MTUS2: variants seen among roughly 807,000 people sequenced by gnomAD.
MTUS2 encodes the protein microtubule associated scaffold protein 2, also known as microtubule-associated tumor suppressor candidate 2.
A neutral mutation model predicts 114.1 loss-of-function variants in MTUS2; 40 were observed. That is an observed-to-expected ratio of 0.35 (90% CI 0.27 to 0.46). MTUS2 has a LOEUF of 0.46. MTUS2 is among the 20% of genes least tolerant of loss of function. MTUS2 has a pLI of 1.00. For synonymous variants in MTUS2, 688 were observed against 672.0 expected (o/e 1.02, Z -0.37); for missense variants, 1,679 against 1,705.4 (o/e 0.98, Z 0.27).
At chr13:29,140,931 A>G (rs772006717) in intron 5 of MTUS2, among the ~76,000 whole-genome samples, 4 of 152,170 alleles carry the variant, frequency 2.6e-5, no homozygotes, top group Non-Finnish European at 5.9e-5. Context: ...TGCTGACAAA[A>G]ATCGGTGTCG....
At chr13:29,367,837 C>T (rs940124611) in intron 8 of MTUS2, among the ~76,000 whole-genome samples, 2 of 151,962 alleles carry the variant, frequency 1.3e-5, no homozygotes, top group Non-Finnish European at 1.5e-5. Context: ...AAATCTGCTC[C>T]GGAACTGTAC....
At chr13:28,922,720 G>A (rs1881112588) in intron 2 of MTUS2, among the ~76,000 whole-genome samples, 2 of 152,312 alleles carry the variant, frequency 1.3e-5, no homozygotes, top group Admixed American at 6.5e-5. Context: ...GGTGGCATTG[G>A]CACTTCAAGA....
intron 4 of MTUS2, among the ~76,000 whole-genome samples, chr13:29,085,289 CA>C (rs1471028716): frequency 1.3e-5 from 2 of 152,262 alleles, no homozygotes; most frequent in African/African-American, 4.8e-5. Context: ...TTTTACTTTT[CA>C]ACTTTTATTT....
chr13:28,946,366 G>A (rs1342273759), intron 2 of MTUS2, among the ~76,000 whole-genome samples: 1 of 152,056 alleles, frequency 6.6e-6, no homozygotes, highest in African/African-American at 2.4e-5. Flanking sequence ...TTCCTGCTAA[G>A]GAGTGGGATT....
intron 5 of MTUS2, among the ~76,000 whole-genome samples, chr13:29,165,969 G>A (rs1893299028): frequency 6.6e-6 from 1 of 152,160 alleles, no homozygotes; most frequent in South Asian, 2.1e-4. Flanking sequence ...GGCTAGGGTG[G>A]GATGGCTGGA....
chr13:29,389,544 T>C (rs1353422296), intron 8 of MTUS2, among the ~76,000 whole-genome samples: 1 of 105,582 alleles, frequency 9.5e-6, no homozygotes, highest in Non-Finnish European at 1.9e-5. Context: ...CACGTGTGTA[T>C]ATGTATACAC....
chr13:29,206,561 A>G (rs1334441918), intron 5 of MTUS2, among the ~76,000 whole-genome samples: 1 of 152,174 alleles, frequency 6.6e-6, no homozygotes, highest in African/African-American at 2.4e-5. Flanking sequence ...TAAGTCTTTA[A>G]TCCATCTTGA....
At chr13:29,084,186 A>C (rs191048183) in intron 4 of MTUS2, among the ~76,000 whole-genome samples, 1 of 152,162 alleles carries the variant, frequency 6.6e-6, no homozygotes, top group Admixed American at 6.5e-5. Context: ...TTCAGAACCT[A>C]TGTTGCAGAA....
At chr13:29,260,314 T>C (rs1897423217) in intron 5 of MTUS2, among the ~76,000 whole-genome samples, 1 of 152,246 alleles carries the variant, frequency 6.6e-6, no homozygotes, top group Admixed American at 6.5e-5. Context: ...ATTAAGGTTT[T>C]GGACCGAGGC....
chr13:29,300,937 A>G (rs1385605090), intron 6 of MTUS2, among the ~76,000 whole-genome samples: 1 of 152,250 alleles, frequency 6.6e-6, no homozygotes, highest in African/African-American at 2.4e-5. Flanking sequence ...TCCAAGATCA[A>G]GACACTGGAA....
intron 2 of MTUS2, among the ~76,000 whole-genome samples, chr13:28,886,335 G>T (rs1365767527): frequency 6.6e-6 from 1 of 152,124 alleles, no homozygotes; most frequent in Non-Finnish European, 1.5e-5. Flanking sequence ...AGGGAGGCAG[G>T]TTCAAAGCCA....
chr13:29,440,189 T>G (rs891037730), intron 9 of MTUS2, 140 bp downstream of exon 9: 2 of 790,690 alleles, frequency 2.5e-6, no homozygotes, highest in Non-Finnish European at 4.1e-6. Context: ...CCCAGCACAG[T>G]GGTGGGCTGC....
intron 5 of MTUS2, among the ~76,000 whole-genome samples, chr13:29,193,920 A>G (rs2139205000): frequency 6.6e-6 from 1 of 152,306 alleles, no homozygotes; most frequent in Non-Finnish European, 1.5e-5. Context: ...AACAGAACAG[A>G]GCCCTCAGAA....
intron 4 of MTUS2, among the ~76,000 whole-genome samples, chr13:29,061,612 T>G (rs1438784693): frequency 6.6e-6 from 1 of 151,926 alleles, no homozygotes; most frequent in Non-Finnish European, 1.5e-5. Context: ...GTCTGTATCT[T>G]CAACTTACCA....
intron 1 of MTUS2, among the ~76,000 whole-genome samples, chr13:28,838,529 T>A (rs557301997): frequency 2.6e-4 from 39 of 152,302 alleles, no homozygotes; most frequent in African/African-American, 9.1e-4. Flanking sequence ...TGGCCATGCC[T>A]GTCCTGAGCT....
chr13:29,115,513 CATT>C (rs1215558339), intron 5 of MTUS2, among the ~76,000 whole-genome samples: 1 of 152,150 alleles, frequency 6.6e-6, no homozygotes, highest in Non-Finnish European at 1.5e-5. Flanking sequence ...AAAGACTAGG[CATT>C]GTTGTTTCTT....
chr13:29,355,606 T>C lies in MTUS2; in HGVS notation c.2906-3656T>C, dbSNP rs568696706. On this transcript the variant is annotated intron_variant, in intron 7 of 15. Transcript: ENST00000612955. ...GAGGGCAAGGACTGGCTGTATTTCT[T>C]ATCATTTCCCACTGTGCCTTGCACA... 3.3e-5 allele frequency among the ~76,000 whole-genome samples: 5 copies of C among 152,350 alleles called. No homozygotes were observed. The South Asian group carries it at 1.0e-3, about 32-fold the overall frequency.
rs115917498 is a variant in MTUS2 at position 29,406,703 on chromosome 13, A to G, written c.3118-33280A>G. Reference sequence around the variant, plus strand: ...ATGGGAATCACTGGGGCCATCTTCAAGGCCACCTGCTGCATTCCCAAGAAT... The same window carrying G: ...ATGGGAATCACTGGGGCCATCTTCAGGGCCACCTGCTGCATTCCCAAGAAT... On this transcript the variant is annotated intron_variant, in intron 8 of 15. Transcript: ENST00000612955. Among the ~76,000 whole-genome samples, 857 of 152,394 alleles carry G rather than the reference A, an allele frequency of 5.6e-3. 6 individuals are homozygous for G. The highest frequency in any genetic ancestry group is 0.019 in the African/African-American group (800 of 41,590).
intron 8 of MTUS2, among the ~76,000 whole-genome samples, chr13:29,371,948 G>C (rs146078002): frequency 1.4e-5 from 2 of 142,298 alleles, no homozygotes; most frequent in African/African-American, 5.0e-5. Flanking sequence ...TTTGCTAAGA[G>C]AGTAGATCTT....
Sources: gnomAD v4.1 joint callset for allele counts (sites outside exome capture counted in the v4.1 genomes callset) on GRCh38, gnomAD v4.1.1 for gene constraint, MANE v1.5 for transcripts, NCBI Gene and HGNC (gene_info 2026-07-23, HGNC 2026-07-21) for gene names.